Variants in KCNT2 observed in about 807,000 individuals in gnomAD.
KCNT2 encodes potassium channel subfamily T member 2.
KCNT2 carries 67 observed loss-of-function variants against 153.8 expected under a neutral mutation model. That is an observed-to-expected ratio of 0.44 (90% CI 0.36 to 0.53). KCNT2 has a LOEUF of 0.53. KCNT2 is among the 20% of genes least tolerant of loss of function. The pLI is 0.00. For synonymous variants in KCNT2, 500 were observed against 458.8 expected, an observed-to-expected ratio of 1.09 and a Z score of -1.15; for missense variants, 975 against 1,354.8, an observed-to-expected ratio of 0.72 and a Z score of 4.40.
intron 1 of KCNT2, among the ~76,000 whole-genome samples, chr1:196,594,774 T>A (rs1448136866): frequency 6.6e-6 from 1 of 152,012 alleles, no homozygotes; most frequent in Non-Finnish European, 1.5e-5. Flanking sequence ...GATCATGGTA[T>A]GACACAAGCA....
At chr1:196,461,423 A>T (rs1399325125) in intron 8 of KCNT2, among the ~76,000 whole-genome samples, 3 of 151,774 alleles carry the variant, frequency 2.0e-5, no homozygotes, top group Non-Finnish European at 2.9e-5. Context: ...AGTTAACATA[A>T]TATAGTTTCT....
chr1:196,330,588 A>G lies in KCNT2; in HGVS notation c.2103+568T>C, dbSNP rs374417081. 2.0e-5 allele frequency among the ~76,000 whole-genome samples: 3 copies of G among 152,102 alleles called. No individual in the cohort carries two copies. In the South Asian group the frequency reaches 6.2e-4, roughly 32 times the overall value. On this transcript the variant is annotated intron_variant, in intron 18 of 27. Transcript: ENST00000294725. Reference sequence around the variant, plus strand: ...AATAAATTCATACCAGTCAAGCCCAATGGTTATATTGTGAAAAAAGATAAA... The same window carrying G: ...AATAAATTCATACCAGTCAAGCCCAGTGGTTATATTGTGAAAAAAGATAAA...
At chr1:196,591,556 A>G (rs186353696) in intron 1 of KCNT2, among the ~76,000 whole-genome samples, 27 of 152,292 alleles carry the variant, frequency 1.8e-4, no homozygotes, top group Non-Finnish European at 3.2e-4. Context: ...AACATACTAC[A>G]GGGCAATGTG....
chr1:196,477,918 A>G (rs548388476), intron 5 of KCNT2, among the ~76,000 whole-genome samples: 2 of 152,096 alleles, frequency 1.3e-5, no homozygotes, highest in Non-Finnish European at 2.9e-5. Context: ...GTCTTAATAA[A>G]TCTCCCTCTC....
At chr1:196,457,295 GTACT>G (rs1433846451) in intron 8 of KCNT2, among the ~76,000 whole-genome samples, 3 of 151,444 alleles carry the variant, frequency 2.0e-5, no homozygotes, top group African/African-American at 4.8e-5. Flanking sequence ...GTGTTCTCTA[GTACT>G]TACTTTTTAT....
chr1:196,457,139 C>G (rs1403915953), intron 8 of KCNT2, among the ~76,000 whole-genome samples: 2 of 151,732 alleles, frequency 1.3e-5, no homozygotes, highest in Non-Finnish European at 2.9e-5. Flanking sequence ...GAAGATAAAA[C>G]TGATTTAAAA....
At chr1:196,572,007 G>T (rs1328706963) in intron 1 of KCNT2, among the ~76,000 whole-genome samples, 1 of 152,082 alleles carries the variant, frequency 6.6e-6, no homozygotes, top group Non-Finnish European at 1.5e-5. Context: ...TCAATACCAT[G>T]AAAGAAATGG....
At chr1:196,607,634 G>A (rs1027337797) in intron 1 of KCNT2, among the ~76,000 whole-genome samples, 1 of 152,118 alleles carries the variant, frequency 6.6e-6, no homozygotes, top group Non-Finnish European at 1.5e-5. Context: ...GTATTAAAAA[G>A]GTTGTCATTT....
At chr1:196,464,281 G>A (rs1286732846) in intron 8 of KCNT2, among the ~76,000 whole-genome samples, 3 of 151,796 alleles carry the variant, frequency 2.0e-5, no homozygotes, top group East Asian at 1.9e-4. Flanking sequence ...TAGGCGATAA[G>A]ATGGCTATAT....
chr1:196,558,067 A>G lies in KCNT2; in HGVS notation c.95+50148T>C, dbSNP rs560344130. Among the ~76,000 whole-genome samples the G allele has an allele frequency of 2.0e-4, 31 of 151,536 alleles. No individual in the cohort carries two copies. The South Asian group carries it at 6.0e-3, about 29-fold the overall frequency. On this transcript the variant is annotated intron_variant, in intron 1 of 27. Coordinates refer to ENST00000294725, the MANE Select transcript of KCNT2 (RefSeq NM_198503.5). ...ACAAATTAGCATCATGCCAAAGTGG[A>G]TGAGGTACACTTTCCAGAAAGCACT...
intron 8 of KCNT2, among the ~76,000 whole-genome samples, chr1:196,431,867 C>T (rs1392891215): frequency 6.6e-6 from 1 of 152,054 alleles, no homozygotes; most frequent in Non-Finnish European, 1.5e-5. Flanking sequence ...TTTGTCCAAG[C>T]AACTATGTGA....
At chr1:196,280,264 G>C (rs2477557) in intron 25 of KCNT2, among the ~76,000 whole-genome samples, 151,157 of 152,320 alleles carry the variant, frequency 0.99, 75,013 homozygotes, top group Middle Eastern at 1. Context: ...TATGTTTCGG[G>C]TGCATGAACT....
chr1:196,288,024 A>C (rs1440243629), intron 22 of KCNT2, among the ~76,000 whole-genome samples: 1 of 152,088 alleles, frequency 6.6e-6, no homozygotes. Context: ...ATTAGAGGTG[A>C]TGTCTAAGTT....
At chr1:196,437,244 A>T (rs1361358717) in intron 8 of KCNT2, among the ~76,000 whole-genome samples, 1 of 105,606 alleles carries the variant, frequency 9.5e-6, no homozygotes, top group East Asian at 3.1e-4. Flanking sequence ...ATATATATAT[A>T]TTTATATATT....
intron 1 of KCNT2, among the ~76,000 whole-genome samples, chr1:196,542,516 C>A (rs188585619): frequency 1.3e-5 from 2 of 152,218 alleles, no homozygotes; most frequent in African/African-American, 4.8e-5. Flanking sequence ...GATCACAGGA[C>A]AACTTTCTAC....
intron 27 of KCNT2, among the ~76,000 whole-genome samples, chr1:196,232,072 G>T (rs1654005224): frequency 6.6e-6 from 1 of 151,736 alleles, no homozygotes; most frequent in African/African-American, 2.4e-5. Context: ...ATGAAAATGA[G>T]AAAAGGCAAT....
chr1:196,232,724 T>C, intron 27 of KCNT2, among the ~76,000 whole-genome samples: 2 of 151,706 alleles, frequency 1.3e-5, no homozygotes, highest in Middle Eastern at 6.9e-3. Flanking sequence ...ACATATTTTA[T>C]TCATAAGTAA....
intron 27 of KCNT2, among the ~76,000 whole-genome samples, chr1:196,234,742 C>T (rs533380867): frequency 2.8e-4 from 42 of 151,582 alleles, no homozygotes; most frequent in Admixed American, 2.0e-4. Context: ...CCATATTATG[C>T]TCAGCATAAC....
chr1:196,499,715 G>T (rs936172716), intron 1 of KCNT2, among the ~76,000 whole-genome samples: 1 of 152,124 alleles, frequency 6.6e-6, no homozygotes, highest in African/African-American at 2.4e-5. Context: ...CACAGATTTT[G>T]TAAATAGGTT....
Sources: gnomAD v4.1 joint callset for allele counts (sites outside exome capture counted in the v4.1 genomes callset) on GRCh38, gnomAD v4.1.1 for gene constraint, MANE v1.5 for transcripts, NCBI Gene and HGNC (gene_info 2026-07-23, HGNC 2026-07-21) for gene names.